HIVEP3: variants seen among roughly 807,000 people sequenced by gnomAD.
The protein encoded by HIVEP3 is transcription factor HIVEP3.
A neutral mutation model predicts 152.8 loss-of-function variants in HIVEP3; 49 were observed. The observed-to-expected ratio is 0.32, with a 90% CI of 0.26 to 0.41. The LOEUF is 0.41. HIVEP3 is among the 10% of genes least tolerant of loss of function. The pLI is 1.00. For missense variants in HIVEP3, 2,790 were observed against 3,103.3 expected (o/e 0.90, Z 2.40); for synonymous variants, 1,269 against 1,289.0 (o/e 0.98, Z 0.33).
At chr1:41,900,603 A>T (rs887417536) in intron 1 of HIVEP3, among the ~76,000 whole-genome samples, 41 of 151,982 alleles carry the variant, frequency 2.7e-4, no homozygotes, top group Non-Finnish European at 5.9e-5. Context: ...TCCCACCTAG[A>T]TCTCTTCCAA....
chr1:41,904,612 C>T (rs918062248), intron 1 of HIVEP3, among the ~76,000 whole-genome samples: 1 of 151,822 alleles, frequency 6.6e-6, no homozygotes, highest in African/African-American at 2.4e-5. Context: ...CTAGAAACAC[C>T]TCCCACAGGC....
At chr1:41,538,350 G>C (rs1426148701) in intron 5 of HIVEP3, among the ~76,000 whole-genome samples, 2 of 152,164 alleles carry the variant, frequency 1.3e-5, no homozygotes, top group African/African-American at 4.8e-5. Context: ...CAGTTCAGCA[G>C]TGGCCCGACA....
intron 1 of HIVEP3, among the ~76,000 whole-genome samples, chr1:41,901,998 G>A (rs1052044945): frequency 2.0e-5 from 3 of 152,112 alleles, no homozygotes; most frequent in Admixed American, 1.3e-4. Context: ...GTTGGGTATT[G>A]AATGAATGAA....
At chr1:41,638,260 A>G (rs1034555416) in intron 2 of HIVEP3, among the ~76,000 whole-genome samples, 6 of 146,844 alleles carry the variant, frequency 4.1e-5, no homozygotes, top group African/African-American at 1.5e-4. Context: ...AAGAGAGAGA[A>G]AGAAAGAAAG....
chr1:41,906,024 T>C (rs374253980), intron 1 of HIVEP3, among the ~76,000 whole-genome samples: 10 of 152,120 alleles, frequency 6.6e-5, no homozygotes, highest in South Asian at 2.1e-4. Flanking sequence ...AAAAAATCTG[T>C]GGTGGCCAGG....
At chr1:41,810,033 A>G (rs973944174) in intron 1 of HIVEP3, among the ~76,000 whole-genome samples, 1 of 152,192 alleles carries the variant, frequency 6.6e-6, no homozygotes, top group Admixed American at 6.5e-5. Flanking sequence ...CAGCCAGTCA[A>G]GTTTTATACC....
rs771791341 is a variant in HIVEP3, at chr1:41,583,575, T to C, written c.1223A>G (p.Asn408Ser). ...ESAEQQVSPP[N>S]TNAKSYAEII... ...CTCAGCGTAGGACTTGGCGTTGGTG[T>C]TTGGGGGGCTGACCTGCTGCTCTGC... Residue 408 changes from asparagine (N) to serine (S), a missense_variant, in exon 4 of 9, where the codon AAC (asparagine) becomes AGC (serine). Physicochemically the swap from Asn to Ser is conservative, Grantham distance 46. Transcript: ENST00000372583. This position sits in a 1 kb window ranked among gnomAD's most constrained non-coding sequence, Gnocchi z 6.9. 1 of 1,613,928 alleles carries C rather than the reference T, an allele frequency of 6.2e-7. No homozygotes were observed. Among genetic ancestry groups the C allele is most frequent in the Non-Finnish European group, 8.5e-7 (1 of 1,179,956 alleles).
In HIVEP3 at chr1:41,918,696, G is replaced by T. The variant is rs1040949206; in HGVS notation, c.-1084C>A. On this transcript the variant is annotated 5_prime_UTR_variant, in exon 1 of 9. Coordinates refer to ENST00000372583, the MANE Select transcript of HIVEP3 (RefSeq NM_024503.5). The surrounding 1 kb of genome is among the most constrained non-coding windows in gnomAD (Gnocchi z 4.3). ...AGGCAGCTGGATAATGGGAGAGTCG[G>T]CTGGTTGTGAGCATGCTCGCGCCGG... 2 of 152,284 alleles carry T rather than the reference G, an allele frequency of 1.3e-5. No homozygotes were observed. The highest frequency in any genetic ancestry group is 2.4e-5 in the African/African-American group (1 of 41,546). 9.4% of individuals were successfully genotyped at this position (152,284 alleles called of 1,614,324 possible).
intron 1 of HIVEP3, among the ~76,000 whole-genome samples, chr1:41,950,357 TCTC>T (rs1645099593): frequency 2.0e-5 from 3 of 152,070 alleles, no homozygotes; most frequent in Non-Finnish European, 4.4e-5. Context: ...GGTACCATGC[TCTC>T]CTCCCCCACC....
At chr1:41,633,960 C>A (rs1382931905) in intron 2 of HIVEP3, among the ~76,000 whole-genome samples, 1 of 152,144 alleles carries the variant, frequency 6.6e-6, no homozygotes, top group Non-Finnish European at 1.5e-5. Flanking sequence ...TGCTTGGAAT[C>A]AAATTGACAT....
rs116387309 is a variant in HIVEP3, at chr1:41,789,326, A to G, written c.-800-88331T>C. 3.3e-3 allele frequency among the ~76,000 whole-genome samples: 510 copies of G among 152,346 alleles called. 4 individuals carry two copies. The highest frequency in any genetic ancestry group is 0.01 in the Middle Eastern group (3 of 294). On this transcript the variant is annotated intron_variant, in intron 1 of 8. Transcript: ENST00000372583. ...ATCTGTAAAATGGGGATAATAAAGC[A>G]TCTGCCTCACAAAGTGACTGAGGAG...
chr1:41,714,835 A>G (rs752921280), intron 1 of HIVEP3, among the ~76,000 whole-genome samples: 1 of 152,228 alleles, frequency 6.6e-6, no homozygotes, highest in Non-Finnish European at 1.5e-5. Context: ...AGAAGATGAT[A>G]TGCCAGGTTG....
At chr1:41,571,491 G>A (rs1033596345) in intron 5 of HIVEP3, among the ~76,000 whole-genome samples, 1 of 152,200 alleles carries the variant, frequency 6.6e-6, no homozygotes, top group Non-Finnish European at 1.5e-5. Context: ...TGGAAGTGAT[G>A]GGGAATGCAG....
At chr1:41,777,613 C>T (rs983863562) in intron 1 of HIVEP3, among the ~76,000 whole-genome samples, 1 of 152,254 alleles carries the variant, frequency 6.6e-6, no homozygotes, top group African/African-American at 2.4e-5. Context: ...AGTTCACATG[C>T]ATTCGCTTTC....
At chr1:41,562,528 C>T (rs1312716826) in intron 5 of HIVEP3, among the ~76,000 whole-genome samples, 1 of 108,260 alleles carries the variant, frequency 9.2e-6, no homozygotes, top group African/African-American at 3.1e-5. Flanking sequence ...TCCTCCCTTC[C>T]CTTCCCTTCC....
chr1:41,557,842 A>C (rs2149085978), intron 5 of HIVEP3, among the ~76,000 whole-genome samples: 1 of 152,334 alleles, frequency 6.6e-6, no homozygotes, highest in East Asian at 1.9e-4. Context: ...TGGCTTTGCC[A>C]CTGGGGAGAG....
At chr1:41,943,914 A>T (rs1457117982) in intron 1 of HIVEP3, among the ~76,000 whole-genome samples, 2 of 152,270 alleles carry the variant, frequency 1.3e-5, no homozygotes, top group African/African-American at 4.8e-5. Flanking sequence ...TGGTATATCC[A>T]TACAATGGAA....
At chr1:41,998,773 GAAAAT>G (rs1645409327) in intron 1 of HIVEP3, among the ~76,000 whole-genome samples, 1 of 148,798 alleles carries the variant, frequency 6.7e-6, no homozygotes, top group Middle Eastern at 3.2e-3. Context: ...AAGATTGTTA[GAAAAT>G]AAAATAAGCT....
chr1:41,585,932 G>A (rs1644498582), intron 3 of HIVEP3, among the ~76,000 whole-genome samples: 1 of 152,116 alleles, frequency 6.6e-6, no homozygotes, highest in Non-Finnish European at 1.5e-5. Flanking sequence ...GTGTCCACAA[G>A]GGACATCATT....
Sources: gnomAD v4.1 joint callset for allele counts (sites outside exome capture counted in the v4.1 genomes callset) on GRCh38, gnomAD v4.1.1 for gene constraint, Gnocchi (gnomAD v3.1) non-coding constraint, MANE v1.5 for transcripts, NCBI Gene and HGNC (gene_info 2026-07-23, HGNC 2026-07-21) for gene names.